CPLX4: variants seen among roughly 807,000 people sequenced by gnomAD.
CPLX4 encodes the protein complexin 4.
Under a neutral mutation model 16.1 loss-of-function variants are expected in CPLX4, and 17 were observed. That is an observed-to-expected ratio of 1.06 (90% CI 0.72 to 1.59). The LOEUF (loss-of-function observed/expected upper bound fraction) is 1.59. CPLX4 is among the 40% of genes most tolerant of loss of function. CPLX4 has a pLI of 0.00. For synonymous variants in CPLX4, 55 were observed against 57.8 expected (o/e 0.95, Z 0.22); for missense variants, 193 against 192.9 (o/e 1.00, Z 0.00).
intron 2 of CPLX4, among the ~76,000 whole-genome samples, chr18:59,312,315 A>C (rs1467795483): frequency 2.0e-5 from 3 of 151,828 alleles, no homozygotes; most frequent in Non-Finnish European, 4.4e-5. Flanking sequence ...GTTAAGTTAA[A>C]AACTGGAATC....
Position 59,318,468 on chromosome 18 carries a change from C to G in CPLX4, c.-6G>C, listed in dbSNP as rs778120402. 1.3e-6 allele frequency: 2 copies of G among 1,593,654 alleles called. No individual in the cohort carries two copies. The highest frequency in any genetic ancestry group is 1.7e-6 in the Non-Finnish European group (2 of 1,172,826). On this transcript the variant is annotated 5_prime_UTR_variant, in exon 1 of 3. Coordinates refer to ENST00000299721, the MANE Select transcript of CPLX4 (RefSeq NM_181654.4). Reference sequence around the variant, plus strand: ...CTTTTCATAAGGAAAGCCATTTTCTCTGCCCCAGAAAAATAAAACCAAAAT... The same window carrying G: ...CTTTTCATAAGGAAAGCCATTTTCTGTGCCCCAGAAAAATAAAACCAAAAT...
chr18:59,309,929 A>G (rs1184176763), intron 2 of CPLX4, among the ~76,000 whole-genome samples: 1 of 151,782 alleles, frequency 6.6e-6, no homozygotes, highest in Non-Finnish European at 1.5e-5. Context: ...GCTCTTTTTC[A>G]TGGTTGTGGG....
Position 59,301,819 on chromosome 18 carries a change from T to C in CPLX4, c.256-4894A>G, listed in dbSNP as rs117277650. On this transcript the variant is annotated intron_variant, in intron 2 of 2. Transcript: ENST00000299721. ...GAGTCCCAGATCTGCCATTCACCAA[T>C]GCATGACCTTGGGCAAGTCAACTTA... 0.017 allele frequency among the ~76,000 whole-genome samples: 2,574 copies of C among 152,352 alleles called. 208 individuals carry two copies. In the East Asian group the frequency reaches 0.25, roughly 15 times the overall value.
At chr18:59,308,522 A>C in intron 2 of CPLX4, among the ~76,000 whole-genome samples, 17 of 131,000 alleles carry the variant, frequency 1.3e-4, no homozygotes, top group African/African-American at 1.5e-4. Context: ...CCCCCATCCC[A>C]TCCAATGACC....
intron 1 of CPLX4, among the ~76,000 whole-genome samples, chr18:59,317,261 G>A (rs536198384): frequency 6.6e-6 from 1 of 152,092 alleles, no homozygotes; most frequent in South Asian, 2.1e-4. Flanking sequence ...TTGATCATTA[G>A]CAAAAGAGTC....
intron 2 of CPLX4, among the ~76,000 whole-genome samples, chr18:59,308,223 A>G (rs751371294): frequency 1.3e-5 from 2 of 152,174 alleles, no homozygotes; most frequent in Non-Finnish European, 1.5e-5. Context: ...AATAAAAAGC[A>G]TGGCACTGGA....
At chr18:59,313,119 C>G (rs531340294) in intron 1 of CPLX4, among the ~76,000 whole-genome samples, 2 of 152,276 alleles carry the variant, frequency 1.3e-5, no homozygotes, top group East Asian at 3.9e-4. Flanking sequence ...ACAAATGCAG[C>G]TTCCTGGGCC....
At chr18:59,310,926 GAC>G (rs1248473535) in intron 2 of CPLX4, among the ~76,000 whole-genome samples, 1 of 150,150 alleles carries the variant, frequency 6.7e-6, no homozygotes, top group East Asian at 1.9e-4. Flanking sequence ...CTACATTCTG[GAC>G]GATGCACACC....
intron 2 of CPLX4, among the ~76,000 whole-genome samples, chr18:59,303,910 C>T (rs540781854): frequency 2.0e-5 from 3 of 152,334 alleles, no homozygotes; most frequent in Non-Finnish European, 2.9e-5. Flanking sequence ...ATGGCCTTCC[C>T]ACCGCCTGGC....
intron 2 of CPLX4, among the ~76,000 whole-genome samples, chr18:59,306,003 G>T (rs2070574619): frequency 6.6e-6 from 1 of 152,130 alleles, no homozygotes; most frequent in South Asian, 2.1e-4. Flanking sequence ...AAACAAAGAG[G>T]CCCCAAGAGA....
rs1433934790 is a variant in CPLX4, at chr18:59,318,233, A to G, written c.167+63T>C. 2.7e-6 allele frequency: 4 copies of G among 1,494,580 alleles called. No individual in the cohort carries two copies. In the East Asian group the frequency reaches 9.2e-5, roughly 34 times the overall value. 92.6% of individuals were successfully genotyped at this position (1,494,580 alleles called of 1,614,324 possible). On this transcript the variant is annotated intron_variant, in intron 1 of 2. Transcript: ENST00000299721. ...AAAGAGAAATAAACTGGAGAACTGA[A>G]GAAGGTATGGCCAGAATGAATTTCC...
chr18:59,309,457 TA>T (rs1462789051), intron 2 of CPLX4, among the ~76,000 whole-genome samples: 1 of 152,136 alleles, frequency 6.6e-6, no homozygotes, highest in Non-Finnish European at 1.5e-5. Context: ...GGAGAAATAA[TA>T]TGCTCCCATT....
chr18:59,315,581 A>G (rs192303749), intron 1 of CPLX4, among the ~76,000 whole-genome samples: 78 of 152,344 alleles, frequency 5.1e-4, no homozygotes, highest in Non-Finnish European at 8.7e-4. Flanking sequence ...GTCATTGCCA[A>G]TCTGGGTCAT....
At chr18:59,318,256 T>C (rs553327332) in intron 1 of CPLX4, 40 bp downstream of exon 1, 26 of 1,528,886 alleles carry the variant, frequency 1.7e-5, no homozygotes, top group Non-Finnish European at 2.3e-5. Context: ...AGAATGAATT[T>C]CCTTTGCTTT....
intron 2 of CPLX4, among the ~76,000 whole-genome samples, chr18:59,309,164 AT>A (rs897057198): frequency 6.6e-6 from 1 of 152,230 alleles, no homozygotes; most frequent in African/African-American, 2.4e-5. Flanking sequence ...CGGGATTAGA[AT>A]TTCCATGTGC....
intron 2 of CPLX4, among the ~76,000 whole-genome samples, chr18:59,304,720 C>T (rs544738677): frequency 1.5e-3 from 235 of 152,174 alleles, no homozygotes; most frequent in African/African-American, 5.2e-3. Context: ...TACAGGCATG[C>T]GCCACCATGC....
chr18:59,316,499 A>G (rs1272233737), intron 1 of CPLX4, among the ~76,000 whole-genome samples: 1 of 152,168 alleles, frequency 6.6e-6, no homozygotes, highest in African/African-American at 2.4e-5. Context: ...AATGCCTACT[A>G]CATATTGCAT....
chr18:59,299,984 C>T (rs1000936494), intron 2 of CPLX4, among the ~76,000 whole-genome samples: 1 of 152,200 alleles, frequency 6.6e-6, no homozygotes, highest in African/African-American at 2.4e-5. Flanking sequence ...ACTTACTCAT[C>T]TTTCTGTCTC....
intron 2 of CPLX4, among the ~76,000 whole-genome samples, chr18:59,308,582 T>C (rs1398315223): frequency 6.6e-6 from 1 of 150,804 alleles, no homozygotes; most frequent in East Asian, 2.0e-4. Context: ...AGAAATTGGT[T>C]TCTGCCCCTC....
Sources: gnomAD v4.1 joint callset for allele counts (sites outside exome capture counted in the v4.1 genomes callset) on GRCh38, gnomAD v4.1.1 for gene constraint, MANE v1.5 for transcripts, NCBI Gene and HGNC (gene_info 2026-07-23, HGNC 2026-07-21) for gene names.